The following ACYP2 variants were observed in gnomAD, a reference collection of about 807,000 sequenced individuals.
The protein encoded by ACYP2 is acylphosphatase 2.
ACYP2 carries 12 observed loss-of-function variants against 11.2 expected under a neutral mutation model. That is an observed-to-expected ratio of 1.08 (90% CI 0.69 to 1.74). The LOEUF (loss-of-function observed/expected upper bound fraction) is 1.74, where lower values mean the gene tolerates loss of function less well. Among genes scored for constraint, ACYP2 ranks in the 40% most tolerant of loss-of-function variants. The pLI is 0.00. For synonymous variants in ACYP2, 43 were observed against 32.2 expected (o/e 1.33, Z -1.13); for missense variants, 134 against 101.9 (o/e 1.31, Z -1.35).
chr2:54,138,816 A>G (rs1681426347), intron 6 of ACYP2, 68 bp downstream of exon 3: 2 of 1,322,104 alleles, frequency 1.5e-6, no homozygotes, highest in Non-Finnish European at 1.1e-6. Context: ...TTTTTAAGAC[A>G]TGGTCTTGCT....
chr2:54,303,986 G>A (rs1012053936), intron 6 of ACYP2, among the ~76,000 whole-genome samples: 2 of 152,140 alleles, frequency 1.3e-5, no homozygotes, highest in African/African-American at 4.8e-5. Flanking sequence ...GTGACCTAAT[G>A]CATAAATTAG....
At chr2:54,135,500 A>T (rs947776576) in intron 5 of ACYP2, 31 bp downstream of exon 2, 20 of 1,593,084 alleles carry the variant, frequency 1.3e-5, no homozygotes, top group Non-Finnish European at 1.7e-5. Flanking sequence ...TTATTTTGCT[A>T]TTTTTTTTCC....
Position 54,032,638 on chromosome 2 carries a change from A to G in ACYP2, c.63-18320A>G, listed in dbSNP as rs1346310120. On this transcript the variant is annotated intron_variant, in intron 2 of 6. Transcript: ENST00000607452. ...TTTTTTGGTTCCATATGAACTTTAA[A>G]GTAGTTTTTTCCAATTCTGTGAAGA... Among the ~76,000 whole-genome samples the G allele has an allele frequency of 2.6e-5, 4 of 152,172 alleles. 1 individual carries two copies. The highest frequency in any genetic ancestry group is 7.2e-5 in the African/African-American group (3 of 41,430).
At chr2:54,029,778 C>T (rs1189660705) in intron 2 of ACYP2, 77 of 590,630 alleles carry the variant, frequency 1.3e-4, no homozygotes, top group Non-Finnish European at 2.6e-5. Context: ...GTAGGCTCTT[C>T]CAGTTTAGCC....
At chr2:54,274,288 C>T (rs575469283) in intron 6 of ACYP2, among the ~76,000 whole-genome samples, 10 of 152,082 alleles carry the variant, frequency 6.6e-5, no homozygotes, top group Non-Finnish European at 1.5e-4. Flanking sequence ...AGACCTGCCC[C>T]TATAATTCAA....
chr2:54,208,146 TTGTA>T (rs1685159235), intron 6 of ACYP2, among the ~76,000 whole-genome samples: 1 of 152,142 alleles, frequency 6.6e-6, no homozygotes, highest in African/African-American at 2.4e-5. Context: ...TCTAATTTTT[TTGTA>T]TGTGTGTCAC....
chr2:53,998,698 C>G (rs1369906630), intron 2 of ACYP2, among the ~76,000 whole-genome samples: 1 of 152,086 alleles, frequency 6.6e-6, no homozygotes, highest in Non-Finnish European at 1.5e-5. Context: ...CACCTGTATT[C>G]CCAGCTGCTT....
intron 2 of ACYP2, among the ~76,000 whole-genome samples, chr2:53,985,711 G>A (rs950210726): frequency 6.6e-6 from 1 of 152,094 alleles, no homozygotes; most frequent in Non-Finnish European, 1.5e-5. Context: ...TTGGAGTTGG[G>A]GCCTGATGGA....
At chr2:54,176,768 CAG>C (rs1260720503) in intron 6 of ACYP2, among the ~76,000 whole-genome samples, 1 of 152,144 alleles carries the variant, frequency 6.6e-6, no homozygotes. Context: ...ACCTTGGCCT[CAG>C]GGGGGCAGCC....
intron 2 of ACYP2, among the ~76,000 whole-genome samples, chr2:54,015,364 C>T (rs919785203): frequency 4.0e-5 from 6 of 151,136 alleles, no homozygotes; most frequent in African/African-American, 1.5e-4. Flanking sequence ...CAAAATTAGC[C>T]AGGTGTGGTG....
Position 54,195,794 on chromosome 2 carries a change from G to GTTTTTTTTTTTTTTTTTTT in ACYP2, c.404+57049_404+57067dup, listed in dbSNP as rs1168917459. Among the ~76,000 whole-genome samples the GTTTTTTTTTTTTTTTTTTT allele has an allele frequency of 6.0e-5, 5 of 83,134 alleles. 1 individual carries two copies. Among genetic ancestry groups the GTTTTTTTTTTTTTTTTTTT allele is most frequent in the African/African-American group, 9.9e-5 (2 of 20,110 alleles). 54.5% of individuals were successfully genotyped at this position (83,134 alleles called of 152,430 possible). ...GTACATTGTCATCGTTTTGTTGTGG[G>GTTTTTTTTTTTTTTTTTTT]TTTTTTTTTTTTTTTTTTTTTGAGA... is the stretch of plus-strand genomic sequence containing the variant. On this transcript the variant is annotated intron_variant, in intron 6 of 6. Coordinates refer to ENST00000607452, the MANE Select transcript of ACYP2 (RefSeq NM_001320586.2).
At chr2:54,198,017 G>A (rs866228334) in intron 6 of ACYP2, among the ~76,000 whole-genome samples, 2 of 91,164 alleles carry the variant, frequency 2.2e-5, no homozygotes, top group African/African-American at 1.0e-4. Context: ...GTATTGTATT[G>A]TATTGTATTG....
At chr2:54,193,275 A>G (rs1684312903) in intron 6 of ACYP2, among the ~76,000 whole-genome samples, 1 of 152,220 alleles carries the variant, frequency 6.6e-6, no homozygotes, top group African/African-American at 2.4e-5. Context: ...CATTTGCTGA[A>G]TACTTATGTA....
intron 6 of ACYP2, among the ~76,000 whole-genome samples, chr2:54,289,067 G>T (rs983576484): frequency 6.6e-6 from 1 of 151,942 alleles, no homozygotes; most frequent in Non-Finnish European, 1.5e-5. Flanking sequence ...AAAAGAGGGA[G>T]GTGTAATATA....
At chr2:54,134,333 T>C (rs140841327) in intron 4 of ACYP2, among the ~76,000 whole-genome samples, 1 of 152,006 alleles carries the variant, frequency 6.6e-6, no homozygotes, top group South Asian at 2.1e-4. Context: ...AATAAATAAA[T>C]AAAGAACTGA....
intron 4 of ACYP2, chr2:54,084,908 ATAT>A (rs1360242801): frequency 6.6e-6 from 1 of 152,152 alleles, no homozygotes. Flanking sequence ...GTAGATGATA[ATAT>A]TGAAATTAGG....
At chr2:54,013,189 C>T (rs1291571377) in intron 2 of ACYP2, among the ~76,000 whole-genome samples, 1 of 120,064 alleles carries the variant, frequency 8.3e-6, no homozygotes, top group African/African-American at 3.1e-5. Context: ...GCTTCCACAT[C>T]CTCAGCAATT....
intron 2 of ACYP2, among the ~76,000 whole-genome samples, chr2:54,041,243 G>A (rs938129906): frequency 3.3e-5 from 5 of 151,842 alleles, no homozygotes; most frequent in Non-Finnish European, 7.4e-5. Context: ...CATCACGCCC[G>A]GCCAGCGGTG....
At chr2:53,972,801 G>A (rs1038251790) in intron 1 of ACYP2, among the ~76,000 whole-genome samples, 14 of 152,186 alleles carry the variant, frequency 9.2e-5, no homozygotes, top group African/African-American at 2.4e-4. Context: ...GAGACAAGAC[G>A]ACGCTGGGTA....
Sources: allele counts gnomAD v4.1 joint callset (sites outside exome capture counted in the v4.1 genomes callset), GRCh38; gene constraint gnomAD v4.1.1; transcripts MANE v1.5; gene names NCBI Gene and HGNC (gene_info 2026-07-23, HGNC 2026-07-21).